Variants in PFN2 observed in about 807,000 individuals in gnomAD.
PFN2 encodes profilin 2, also known as profilin-2.
A neutral mutation model predicts 15.3 loss-of-function variants in PFN2; 8 were observed. That is an observed-to-expected ratio of 0.52 (90% CI 0.31 to 0.95). The LOEUF (loss-of-function observed/expected upper bound fraction) is 0.95, where lower values mean the gene tolerates loss of function less well. Among genes scored for constraint, PFN2 ranks in the 40% least tolerant of loss-of-function variants. PFN2 has a pLI of 0.05. For synonymous variants in PFN2, 79 were observed against 67.9 expected, an observed-to-expected ratio of 1.16 and a Z score of -0.81; for missense variants, 111 against 182.3, an observed-to-expected ratio of 0.61 and a Z score of 2.25.
In PFN2 at chr3:149,968,121, T is replaced by A. The variant is rs1297977017; in HGVS notation, c.325+237A>T. 1.4e-5 allele frequency: 6 copies of A among 421,684 alleles called. No individual in the cohort carries two copies. The East Asian group carries it at 2.2e-4, about 15-fold the overall frequency. The allele number at this position is 421,684 out of a possible 1,614,324, so 26.1% of individuals were successfully genotyped here. A position where few individuals can be genotyped will look rare whatever the true frequency, so the allele number is the denominator to read the frequency against. ...AAGAGACTTTTAAGTTTAATAAAGC[T>A]GAAAGTGAGTTCATACGAATATTCT... is the stretch of plus-strand genomic sequence containing the variant. On this transcript the variant is annotated intron_variant, in intron 2 of 2. Coordinates refer to ENST00000239940, the MANE Select transcript of PFN2 (RefSeq NM_053024.4).
At position 149,966,370 on chromosome 3, in the gene PFN2, A is replaced by T; in HGVS notation, c.*119T>A. The T allele has an allele frequency of 2.5e-6, 4 of 1,587,340 alleles. No individual in the cohort carries two copies. The highest frequency in any genetic ancestry group is 2.6e-6 in the Non-Finnish European group (3 of 1,168,566). ...ACCAACAGAGGGATACAAAGGAGACACAGGTTCATACCCCATCACCCTGCA... is the reference window on the plus strand; with the variant it reads ...ACCAACAGAGGGATACAAAGGAGACTCAGGTTCATACCCCATCACCCTGCA... On this transcript the variant is annotated 3_prime_UTR_variant, in exon 3 of 3. Transcript: ENST00000239940.
chr3:149,970,376 G>A (rs558386545), intron 1 of PFN2: 2 of 170,618 alleles, frequency 1.2e-5, no homozygotes, highest in African/African-American at 4.7e-5. Context: ...AGAGAACCTA[G>A]GGGAACCGCA....
intron 1 of PFN2, chr3:149,968,901 T>C (rs1722766710): frequency 1.5e-5 from 3 of 202,138 alleles, no homozygotes; most frequent in East Asian, 1.3e-4. Context: ...CCTGAAAGTG[T>C]TCACGTAATG....
rs987948905 is a variant in PFN2 at position 149,970,602 on chromosome 3, C to T, written c.132+123G>A. 3.0e-6 allele frequency: 3 copies of T among 1,009,884 alleles called. No individual in the cohort carries two copies. In the Admixed American group the frequency reaches 1.3e-4, roughly 45 times the overall value. 62.6% of individuals were successfully genotyped at this position (1,009,884 alleles called of 1,614,324 possible). ...CCGCCCGGCAGCCGCATCCTCGGCG[C>T]CCGCTGCCTAGCACACCTGCGGGCT... On this transcript the variant is annotated intron_variant, in intron 1 of 2. Transcript: ENST00000239940.
Position 149,968,343 on chromosome 3 carries a change from G to T in PFN2, c.325+15C>A, listed in dbSNP as rs774657162. 2 of 1,607,060 alleles carry T rather than the reference G, an allele frequency of 1.2e-6. No individual in the cohort carries two copies. Among genetic ancestry groups the T allele is most frequent in the Non-Finnish European group, 1.7e-6 (2 of 1,175,576 alleles). On this transcript the variant is annotated intron_variant, in intron 2 of 2. Coordinates refer to ENST00000239940, the MANE Select transcript of PFN2 (RefSeq NM_053024.4). ...ATGTGGCATGCAACTTTAACCAAAA[G>T]AATGCCTTACTCACCTCTACCAGCT...
At position 149,968,518 on chromosome 3, in the gene PFN2, G is replaced by A; in HGVS notation, c.165C>T (p.Asp55=). The A allele has an allele frequency of 6.2e-7, 1 of 1,612,478 alleles. No individual in the cohort carries two copies. Among genetic ancestry groups the A allele is most frequent in the Non-Finnish European group, 8.5e-7 (1 of 1,179,630 alleles). The change falls in exon 2 of 3, where the codon GAC becomes GAT. Residue 55 remains aspartate, a synonymous_variant. Transcript: ENST00000239940. Reference sequence around the variant, plus strand: ...AACCGTTGGTAAAGAAACCTTCCCGGTCTTTTCCTACAATCATATCTATTT... The same window carrying A: ...AACCGTTGGTAAAGAAACCTTCCCGATCTTTTCCTACAATCATATCTATTT... ...PIEIDMIVGK[D]REGFFTNGLT... is the part of the protein sequence containing the mutation.
rs1722691271 is a variant in PFN2 at position 149,966,324 on chromosome 3, GA to G, written c.*164del. 76 of 1,602,436 alleles carry G rather than the reference GA, an allele frequency of 4.7e-5. No homozygotes were observed. The South Asian group carries it at 7.5e-4, about 16-fold the overall frequency. ...AGAATTATTTTGGGGGGGGAGGGCA[GA>G]AAGAAAGACACCTTTCCCCACCAAC... is the stretch of plus-strand genomic sequence containing the variant. On this transcript the variant is annotated 3_prime_UTR_variant, in exon 3 of 3. Transcript: ENST00000239940.
At chr3:149,967,453 C>G (rs1722725754) in intron 2 of PFN2, among the ~76,000 whole-genome samples, 1 of 152,128 alleles carries the variant, frequency 6.6e-6, no homozygotes, top group Non-Finnish European at 1.5e-5. Context: ...ATACGAGTAA[C>G]TTTTAGGATA....
intron 1 of PFN2, 41 bp downstream of exon 1, chr3:149,970,684 C>G: frequency 6.8e-7 from 1 of 1,464,808 alleles, no homozygotes; most frequent in East Asian, 3.0e-5. Flanking sequence ...CCACCCCGCT[C>G]CGGTGCAGGG....
chr3:149,965,424 C>G lies in PFN2; in HGVS notation c.*1065G>C. On this transcript the variant is annotated 3_prime_UTR_variant, in exon 3 of 3. Coordinates refer to ENST00000239940, the MANE Select transcript of PFN2 (RefSeq NM_053024.4). ...TGTGCAAAGAAAAAGGAAGAAAAATCTGAGCTATTGCAATGATGGAATGTC... is the reference window on the plus strand; with the variant it reads ...TGTGCAAAGAAAAAGGAAGAAAAATGTGAGCTATTGCAATGATGGAATGTC... The G allele has an allele frequency of 4.1e-6, 6 of 1,446,090 alleles. No individual in the cohort carries two copies. The highest frequency in any genetic ancestry group is 5.4e-6 in the Non-Finnish European group (6 of 1,107,800). The allele number at this position is 1,446,090 out of a possible 1,614,324, so 89.6% of individuals were successfully genotyped here. A position where few individuals can be genotyped will look rare whatever the true frequency, so the allele number is the denominator to read the frequency against.
At position 149,966,646 on chromosome 3, in the gene PFN2, T is replaced by A. The variant is rs1347416112; in HGVS notation, c.326-60A>T. The A allele has an allele frequency of 3.9e-6, 5 of 1,275,326 alleles. No homozygotes were observed. The East Asian group carries it at 1.2e-4, about 29-fold the overall frequency. The allele number at this position is 1,275,326 out of a possible 1,614,324, so 79.0% of individuals were successfully genotyped here. Reference sequence around the variant, plus strand: ...GTGTTAATCAAGAAAGTCACATAAGTTTTAGCAGACAGAACCCGGATTAAT... The same window carrying A: ...GTGTTAATCAAGAAAGTCACATAAGATTTAGCAGACAGAACCCGGATTAAT... On this transcript the variant is annotated intron_variant, in intron 2 of 2. Coordinates refer to ENST00000239940, the MANE Select transcript of PFN2 (RefSeq NM_053024.4).
At chr3:149,966,645 G>C in intron 2 of PFN2, 59 bp from the exon 3 acceptor site, 1 of 1,279,038 alleles carries the variant, frequency 7.8e-7, no homozygotes, top group Middle Eastern at 1.8e-4. Context: ...AGTCACATAA[G>C]TTTTAGCAGA....
Position 149,965,789 on chromosome 3 carries a change from T to C in PFN2, c.*700A>G. 4.7e-6 allele frequency: 5 copies of C among 1,061,750 alleles called. No individual in the cohort carries two copies. Among genetic ancestry groups the C allele is most frequent in the Non-Finnish European group, 5.7e-6 (5 of 878,586 alleles). 65.8% of individuals were successfully genotyped at this position (1,061,750 alleles called of 1,614,324 possible). A position where few individuals can be genotyped will look rare whatever the true frequency, so the allele number is the denominator to read the frequency against. The stretch of plus-strand genomic sequence containing the variant: ...CAACCATGCGCTACAAAAGGAAGAC[T>C]AAATGAGCCAAGTAAATGCTCAAAG... On this transcript the variant is annotated 3_prime_UTR_variant, in exon 3 of 3. Coordinates refer to ENST00000239940, the MANE Select transcript of PFN2 (RefSeq NM_053024.4).
rs1722651726 is a variant in PFN2 at position 149,965,233 on chromosome 3, C to T, written c.*1256G>A. Reference sequence around the variant, plus strand: ...CAGAATACATATGAAAAAAATTCATCACAAGACAGCCAAGTCCACAATAAT... The same window carrying T: ...CAGAATACATATGAAAAAAATTCATTACAAGACAGCCAAGTCCACAATAAT... On this transcript the variant is annotated 3_prime_UTR_variant, in exon 3 of 3. Coordinates refer to ENST00000239940, the MANE Select transcript of PFN2 (RefSeq NM_053024.4). 2 of 1,523,616 alleles carry T rather than the reference C, an allele frequency of 1.3e-6. No individual in the cohort carries two copies. Among genetic ancestry groups the T allele is most frequent in the Non-Finnish European group, 8.7e-7 (1 of 1,145,460 alleles). 94.4% of individuals were successfully genotyped at this position (1,523,616 alleles called of 1,614,324 possible).
intron 1 of PFN2, among the ~76,000 whole-genome samples, chr3:149,969,356 A>T (rs1345329767): frequency 6.6e-6 from 1 of 152,210 alleles, no homozygotes; most frequent in Non-Finnish European, 1.5e-5. Context: ...AATAAGAAGG[A>T]AGGCGTCGCC....
At chr3:149,968,649 T>G in intron 1 of PFN2, 99 bp from the exon 2 acceptor site, 1 of 952,006 alleles carries the variant, frequency 1.1e-6, no homozygotes, top group Non-Finnish European at 1.6e-6. Flanking sequence ...GTAGCTAGGC[T>G]TATGCTACCA....
At chr3:149,968,039 G>A (rs548694580) in intron 2 of PFN2, 2 of 230,926 alleles carry the variant, frequency 8.7e-6, no homozygotes, top group Non-Finnish European at 1.7e-5. Context: ...CAAGTGATTC[G>A]AACAATTTAA....
In PFN2 at chr3:149,965,549, T is replaced by G; in HGVS notation, c.*940A>C. 7.8e-7 allele frequency: 1 copy of G among 1,284,298 alleles called. No homozygotes were observed. Among genetic ancestry groups the G allele is most frequent in the Non-Finnish European group, 9.8e-7 (1 of 1,018,558 alleles). The allele number at this position is 1,284,298 out of a possible 1,614,324, so 79.6% of individuals were successfully genotyped here. A position where few individuals can be genotyped will look rare whatever the true frequency, so the allele number is the denominator to read the frequency against. On this transcript the variant is annotated 3_prime_UTR_variant, in exon 3 of 3. Transcript: ENST00000239940. ...CTCTTCATATGTCCTGTAGACACTA[T>G]GAATAAAGGTTTGTCTCTGCTCAAG...
At position 149,966,067 on chromosome 3, in the gene PFN2, A is replaced by G; in HGVS notation, c.*422T>C. On this transcript the variant is annotated 3_prime_UTR_variant, in exon 3 of 3. Transcript: ENST00000239940. ...AACAGGAATCATGACATTAGAAAAT[A>G]GGTAAAGAAAAATTAGCTACCATCT... 2 of 1,526,204 alleles carry G rather than the reference A, an allele frequency of 1.3e-6. No homozygotes were observed. The highest frequency in any genetic ancestry group is 1.3e-5 in the South Asian group (1 of 75,692). 94.5% of individuals were successfully genotyped at this position (1,526,204 alleles called of 1,614,324 possible). A position where few individuals can be genotyped will look rare whatever the true frequency, so the allele number is the denominator to read the frequency against.
Sources: allele counts gnomAD v4.1 joint callset (sites outside exome capture counted in the v4.1 genomes callset), GRCh38; gene constraint gnomAD v4.1.1; transcripts MANE v1.5; gene names NCBI Gene and HGNC (gene_info 2026-07-23, HGNC 2026-07-21).